Variants in TRIM33 observed in about 807,000 individuals in gnomAD.
TRIM33 encodes E3 ubiquitin-protein ligase TRIM33.
Under a neutral mutation model 125.4 loss-of-function variants are expected in TRIM33, and 20 were observed. The ratio of observed to expected loss-of-function variants is 0.16; its 90% CI spans 0.11 to 0.23. The LOEUF is 0.23. Among genes scored for constraint, TRIM33 ranks in the 10% least tolerant of loss-of-function variants. The pLI, the probability that TRIM33 is intolerant of heterozygous loss-of-function variation, is 1.00. For synonymous variants in TRIM33, 564 were observed against 513.9 expected (o/e 1.10, Z -1.32); for missense variants, 920 against 1,411.4 (o/e 0.65, Z 5.58).
Position 114,510,416 on chromosome 1 carries a change from G to T in TRIM33, c.526+135C>A, listed in dbSNP as rs1214717896. ...CTTCTCTGGAAAGTGTCCCAGGGGC[G>T]AGTCTTTCACCTTAGAGACCCCTCG... On this transcript the variant is annotated intron_variant, in intron 1 of 19. Transcript: ENST00000358465. 2.1e-5 allele frequency: 16 copies of T among 748,356 alleles called. No homozygotes were observed. In the East Asian group the frequency reaches 4.2e-4, roughly 20 times the overall value. The allele number at this position is 748,356 out of a possible 1,614,324, so 46.4% of individuals were successfully genotyped here.
At chr1:114,469,806 G>A (rs1223279259) in intron 1 of TRIM33, among the ~76,000 whole-genome samples, 1 of 152,114 alleles carries the variant, frequency 6.6e-6, no homozygotes, top group Admixed American at 6.5e-5. Flanking sequence ...ATGAAGAAAA[G>A]AGACAAAATG....
At chr1:114,505,380 T>C (rs1355973470) in intron 1 of TRIM33, among the ~76,000 whole-genome samples, 1 of 152,052 alleles carries the variant, frequency 6.6e-6, no homozygotes, top group Non-Finnish European at 1.5e-5. Flanking sequence ...TCATATAGTA[T>C]ACACACTCCA....
Position 114,510,722 on chromosome 1 carries a change from C to T in TRIM33, c.355G>A (p.Ala119Thr). 1 of 1,535,708 alleles carries T rather than the reference C, an allele frequency of 6.5e-7. No individual in the cohort carries two copies. The highest frequency in any genetic ancestry group is 1.4e-5 in the African/African-American group (1 of 72,782). ...PSAGPPPGPP[A>T]SLLDTCAVCQ... The stretch of plus-strand genomic sequence containing the variant: ...ACGGCGCAGGTGTCCAGGAGCGAGG[C>T]TGGCGGTCCAGGAGGCGGCCCTGCC... Residue 119 changes from alanine (A) to threonine (T), a missense_variant, in exon 1 of 20, where the codon GCC (alanine) becomes ACC (threonine). Around this residue, in one of 8 missense-constraint regions of TRIM33, gnomAD observed 233 missense variants for 189.6 expected, o/e 1.23. Coordinates refer to ENST00000358465, the MANE Select transcript of TRIM33 (RefSeq NM_015906.4).
At chr1:114,442,695 A>AAAAAAAAAAG (rs1301678855) in intron 4 of TRIM33, among the ~76,000 whole-genome samples, 2 of 148,434 alleles carry the variant, frequency 1.3e-5, no homozygotes, top group African/African-American at 5.0e-5. Context: ...CTCAAAAAAA[A>AAAAAAAAAAG]AAAAAAAAAG....
At chr1:114,466,672 T>C (rs1482234642) in intron 1 of TRIM33, among the ~76,000 whole-genome samples, 1 of 152,204 alleles carries the variant, frequency 6.6e-6, no homozygotes, top group Non-Finnish European at 1.5e-5. Flanking sequence ...CAGTGTATTG[T>C]CCCACATTGT....
At chr1:114,425,774 CT>C in intron 8 of TRIM33, 51 bp from the exon 9 acceptor site, 1 of 1,332,290 alleles carries the variant, frequency 7.5e-7, no homozygotes, top group Non-Finnish European at 1.0e-6. Context: ...AAATCATCTA[CT>C]TTGTTGAGTA....
intron 1 of TRIM33, among the ~76,000 whole-genome samples, chr1:114,470,496 G>T (rs534078947): frequency 1.4e-4 from 21 of 152,110 alleles, no homozygotes; most frequent in Admixed American, 9.2e-4. Context: ...TCACTGACTG[G>T]CCACTCCCTG....
chr1:114,450,492 C>T (rs1366716120), intron 4 of TRIM33, among the ~76,000 whole-genome samples: 2 of 152,114 alleles, frequency 1.3e-5, no homozygotes, highest in East Asian at 1.9e-4. Context: ...CCACCACACC[C>T]GGACTAACGT....
intron 1 of TRIM33, among the ~76,000 whole-genome samples, chr1:114,485,020 C>G (rs1225677826): frequency 6.6e-6 from 1 of 151,982 alleles, no homozygotes; most frequent in Non-Finnish European, 1.5e-5. Flanking sequence ...CCACTGCACT[C>G]CCGCCTGGGA....
chr1:114,509,149 A>T (rs1254009881), intron 1 of TRIM33, among the ~76,000 whole-genome samples: 1 of 152,166 alleles, frequency 6.6e-6, no homozygotes, highest in Non-Finnish European at 1.5e-5. Context: ...TCTGGATCAG[A>T]AATCTGATCC....
chr1:114,453,606 C>A (rs1158572021), intron 4 of TRIM33, among the ~76,000 whole-genome samples: 1 of 152,140 alleles, frequency 6.6e-6, no homozygotes, highest in Non-Finnish European at 1.5e-5. Flanking sequence ...AAATGTCCTG[C>A]CTGATGAAAT....
At chr1:114,436,702 T>G (rs1205779138) in intron 4 of TRIM33, among the ~76,000 whole-genome samples, 1 of 152,094 alleles carries the variant, frequency 6.6e-6, no homozygotes, top group African/African-American at 2.4e-5. Context: ...TGACCTCAGA[T>G]GATCCGCCCA....
intron 1 of TRIM33, among the ~76,000 whole-genome samples, chr1:114,504,753 T>C (rs1456655027): frequency 6.6e-6 from 1 of 152,176 alleles, no homozygotes; most frequent in Non-Finnish European, 1.5e-5. Context: ...GATGTACAAA[T>C]ACTAGACATT....
chr1:114,435,352 T>G (rs767508182), intron 4 of TRIM33, among the ~76,000 whole-genome samples: 1 of 152,158 alleles, frequency 6.6e-6, no homozygotes, highest in African/African-American at 2.4e-5. Flanking sequence ...AGGTCCATGG[T>G]ACAACCTGAA....
chr1:114,396,861 T>G lies in TRIM33; in HGVS notation c.*787A>C, dbSNP rs551598813. On this transcript the variant is annotated 3_prime_UTR_variant, in exon 20 of 20. Coordinates refer to ENST00000358465, the MANE Select transcript of TRIM33 (RefSeq NM_015906.4). The stretch of plus-strand genomic sequence containing the variant: ...ACAAACATTCTGCCTTTCATGGGAA[T>G]AACTGTATGATCACATGATTTGATT... The G allele has an allele frequency of 2.4e-5, 5 of 210,424 alleles. No homozygotes were observed. The highest frequency in any genetic ancestry group is 1.1e-4 in the African/African-American group (5 of 44,252). The allele number at this position is 210,424 out of a possible 1,614,324, so 13.0% of individuals were successfully genotyped here. A position where few individuals can be genotyped will look rare whatever the true frequency, so the allele number is the denominator to read the frequency against.
intron 6 of TRIM33, among the ~76,000 whole-genome samples, chr1:114,429,393 A>G (rs1409960545): frequency 2.0e-5 from 3 of 151,222 alleles, no homozygotes; most frequent in Non-Finnish European, 4.4e-5. Flanking sequence ...GGGTTTCACC[A>G]TGTTGGCCAA....
At chr1:114,412,836 T>C (rs116402858) in intron 11 of TRIM33, among the ~76,000 whole-genome samples, 13 of 152,330 alleles carry the variant, frequency 8.5e-5, no homozygotes, top group East Asian at 1.9e-4. Flanking sequence ...AATCTTTGTA[T>C]AGAAATATTT....
chr1:114,484,331 G>A (rs1651539056), intron 1 of TRIM33, among the ~76,000 whole-genome samples: 1 of 151,424 alleles, frequency 6.6e-6, no homozygotes, highest in African/African-American at 2.4e-5. Context: ...TAATTGAACT[G>A]GTAAAAAAAT....
intron 4 of TRIM33, among the ~76,000 whole-genome samples, chr1:114,448,769 T>C (rs1471740495): frequency 6.6e-6 from 1 of 152,162 alleles, no homozygotes; most frequent in African/African-American, 2.4e-5. Context: ...GGTTGAATAA[T>C]TGTAGAAGTT....
Sources: allele counts gnomAD v4.1 joint callset (sites outside exome capture counted in the v4.1 genomes callset), GRCh38; gene constraint gnomAD v4.1.1; regional missense constraint gnomAD v4.1.1; transcripts MANE v1.5; gene names NCBI Gene and HGNC (gene_info 2026-07-23, HGNC 2026-07-21).